The following MDFIC variants were observed in gnomAD, a reference collection of about 807,000 sequenced individuals.
The protein encoded by MDFIC is MyoD family inhibitor domain containing.
Under a neutral mutation model 23.2 loss-of-function variants are expected in MDFIC, and 17 were observed. The observed-to-expected ratio is 0.73, with a 90% CI of 0.50 to 1.10. The LOEUF (loss-of-function observed/expected upper bound fraction) is 1.10, where lower values mean the gene tolerates loss of function less well. MDFIC is among the 50% of genes least tolerant of loss of function. The probability of loss-of-function intolerance (pLI) is 0.00; values close to 1 mark genes in which losing one functional copy is unlikely to be tolerated. For missense variants in MDFIC, 356 were observed against 316.6 expected, an observed-to-expected ratio of 1.12 and a Z score of -0.95; for synonymous variants, 120 against 115.2, an observed-to-expected ratio of 1.04 and a Z score of -0.27.
chr7:114,981,794 G>A (rs968770575), intron 4 of MDFIC, among the ~76,000 whole-genome samples: 3 of 152,024 alleles, frequency 2.0e-5, no homozygotes, highest in East Asian at 1.9e-4. Flanking sequence ...CTCAAAGTTC[G>A]ATATCTTCAT....
At chr7:115,015,591 A>G in intron 4 of MDFIC, 97 bp from the exon 5 acceptor site, 1 of 1,475,596 alleles carries the variant, frequency 6.8e-7, no homozygotes, top group East Asian at 2.3e-5. Flanking sequence ...TGGATTACTT[A>G]ACTATTTTGC....
chr7:114,978,273 C>T (rs986120956), intron 3 of MDFIC, among the ~76,000 whole-genome samples: 3 of 152,112 alleles, frequency 2.0e-5, no homozygotes, highest in Non-Finnish European at 2.9e-5. Context: ...CTTGATTACT[C>T]TTCCATATAC....
At chr7:114,956,018 G>A (rs542919872) in intron 3 of MDFIC, among the ~76,000 whole-genome samples, 1 of 152,206 alleles carries the variant, frequency 6.6e-6, no homozygotes, top group Admixed American at 6.5e-5. Context: ...CTTAACCCTA[G>A]AGTGATTCTC....
intron 4 of MDFIC, among the ~76,000 whole-genome samples, chr7:115,012,910 C>T (rs1043567553): frequency 5.3e-5 from 8 of 152,094 alleles, no homozygotes; most frequent in South Asian, 2.1e-4. Flanking sequence ...ACCCAGGAGG[C>T]GGAGGTTGCA....
At chr7:115,012,757 C>G (rs1369430755) in intron 4 of MDFIC, among the ~76,000 whole-genome samples, 2 of 152,082 alleles carry the variant, frequency 1.3e-5, no homozygotes, top group Non-Finnish European at 2.9e-5. Context: ...GCAGGTGGGT[C>G]ACCTGAGGTC....
In MDFIC at chr7:114,998,919, C is replaced by T. The variant is rs558205304; in HGVS notation, c.494-16769C>T. On this transcript the variant is annotated intron_variant, in intron 4 of 4. Transcript: ENST00000393486. ...TCGAGGGGTGTGACTGTTTTATGCT[C>T]TAGTAGGAGGAGCATCTATCTTTGC... Among the ~76,000 whole-genome samples the T allele has an allele frequency of 1.2e-4, 19 of 152,218 alleles. No homozygotes were observed. The South Asian group carries it at 3.9e-3, about 32-fold the overall frequency.
chr7:115,010,856 C>T (rs1222062521), intron 4 of MDFIC, among the ~76,000 whole-genome samples: 1 of 152,156 alleles, frequency 6.6e-6, no homozygotes, highest in Non-Finnish European at 1.5e-5. Flanking sequence ...TCTATTTTAA[C>T]AATGCAACTG....
chr7:114,973,157 C>T (rs895364889), intron 3 of MDFIC, among the ~76,000 whole-genome samples: 5 of 150,288 alleles, frequency 3.3e-5, no homozygotes, highest in African/African-American at 9.8e-5. Context: ...ATTCACAGTA[C>T]ATAGTTGTTA....
At chr7:114,985,022 T>C (rs974316488) in intron 4 of MDFIC, among the ~76,000 whole-genome samples, 1 of 152,132 alleles carries the variant, frequency 6.6e-6, no homozygotes, top group African/African-American at 2.4e-5. Flanking sequence ...TACAATCATC[T>C]CATTTTTATT....
chr7:114,937,898 CAT>C (rs1346626326), intron 2 of MDFIC, among the ~76,000 whole-genome samples: 2 of 152,114 alleles, frequency 1.3e-5, no homozygotes, highest in Admixed American at 1.3e-4. Context: ...ATATCTAAAA[CAT>C]ATTTCTTTTA....
intron 4 of MDFIC, among the ~76,000 whole-genome samples, chr7:115,011,663 A>G (rs1164245386): frequency 6.6e-6 from 1 of 152,244 alleles, no homozygotes; most frequent in Non-Finnish European, 1.5e-5. Context: ...TGAGAGATTC[A>G]TTTCTTGGCT....
chr7:115,005,309 T>C (rs923631093), intron 4 of MDFIC, among the ~76,000 whole-genome samples: 6 of 152,222 alleles, frequency 3.9e-5, no homozygotes, highest in Admixed American at 2.6e-4. Flanking sequence ...TTGCCACTTA[T>C]GAAGATGGAA....
intron 4 of MDFIC, among the ~76,000 whole-genome samples, chr7:115,008,088 C>T (rs1443572925): frequency 2.6e-5 from 4 of 151,868 alleles, no homozygotes; most frequent in African/African-American, 7.3e-5. Flanking sequence ...TTACTGGATT[C>T]GATGTCTCTG....
intron 2 of MDFIC, among the ~76,000 whole-genome samples, chr7:114,934,999 T>A (rs1229867229): frequency 1.3e-5 from 2 of 152,168 alleles, no homozygotes; most frequent in African/African-American, 4.8e-5. Context: ...CTGCCTTATC[T>A]TTGGTTTTTT....
intron 2 of MDFIC, chr7:114,923,637 T>C: frequency 6.9e-7 from 1 of 1,439,674 alleles, no homozygotes; most frequent in Non-Finnish European, 9.1e-7. Context: ...TTGAAATAAA[T>C]AAACAAGGTT....
intron 2 of MDFIC, among the ~76,000 whole-genome samples, chr7:114,929,710 G>A (rs1792272124): frequency 6.6e-6 from 1 of 152,150 alleles, no homozygotes. Context: ...AGAGAAACAG[G>A]GTGCATGGAA....
intron 4 of MDFIC, among the ~76,000 whole-genome samples, chr7:115,006,696 A>G (rs1320674412): frequency 6.6e-6 from 1 of 152,228 alleles, no homozygotes; most frequent in Non-Finnish European, 1.5e-5. Context: ...ATGAATTTTC[A>G]TTAAAACTAG....
At chr7:114,979,042 G>T (rs1585111305) in intron 3 of MDFIC, among the ~76,000 whole-genome samples, 2 of 151,870 alleles carry the variant, frequency 1.3e-5, no homozygotes, top group South Asian at 4.2e-4. Context: ...TCTTTGTATT[G>T]TCTGGCTTTG....
intron 3 of MDFIC, among the ~76,000 whole-genome samples, chr7:114,978,518 G>A (rs913087855): frequency 4.0e-5 from 6 of 151,462 alleles, no homozygotes; most frequent in African/African-American, 1.5e-4. Context: ...TTTGTTTGTT[G>A]GCTTGTTCTT....
Sources: allele counts gnomAD v4.1 joint callset (sites outside exome capture counted in the v4.1 genomes callset), GRCh38; gene constraint gnomAD v4.1.1; transcripts MANE v1.5; gene names NCBI Gene and HGNC (gene_info 2026-07-23, HGNC 2026-07-21).